DNAJC12: variants seen among roughly 807,000 people sequenced by gnomAD.
DNAJC12 encodes dnaJ homolog subfamily C member 12.
In DNAJC12, 25 loss-of-function variants were observed where a neutral mutation model predicts 28.5. The ratio of observed to expected loss-of-function variants is 0.88; its 90% CI spans 0.64 to 1.22. The LOEUF is 1.22. DNAJC12 is among the 50% of genes most tolerant of loss of function. The pLI is 0.00. For missense variants in DNAJC12, 222 were observed against 231.7 expected, an observed-to-expected ratio of 0.96 and a Z score of 0.27; for synonymous variants, 77 against 80.6, an observed-to-expected ratio of 0.95 and a Z score of 0.24.
chr10:67,830,867 C>A (rs1225557930), intron 1 of DNAJC12, among the ~76,000 whole-genome samples: 1 of 151,994 alleles, frequency 6.6e-6, no homozygotes, highest in African/African-American at 2.4e-5. Context: ...AGTCTGACTC[C>A]AAATACATAC....
intron 4 of DNAJC12, among the ~76,000 whole-genome samples, chr10:67,803,237 A>T (rs890843274): frequency 3.9e-5 from 6 of 152,312 alleles, no homozygotes; most frequent in Middle Eastern, 3.4e-3. Context: ...CAGAGGGGTT[A>T]ACTAGCTTGT....
chr10:67,822,590 G>T (rs1288785799), intron 2 of DNAJC12, among the ~76,000 whole-genome samples: 1 of 152,138 alleles, frequency 6.6e-6, no homozygotes. Context: ...TTTTTCCCAA[G>T]CTTGGATAGG....
At chr10:67,811,199 A>C in intron 3 of DNAJC12, 1 of 783,126 alleles carries the variant, frequency 1.3e-6, no homozygotes, top group Non-Finnish European at 1.6e-6. Flanking sequence ...AATGGTTAAA[A>C]CTCAGCAATT....
rs147675169 is a variant in DNAJC12, at chr10:67,824,012, C to T, written c.79-620G>A. ...TTGCACTTTGGGAGGCTGAGGTGGG[C>T]AGATCACAAGGTTAGGAGTTCGAGG... On this transcript the variant is annotated intron_variant, in intron 1 of 4. Transcript: ENST00000225171. Among the ~76,000 whole-genome samples the T allele has an allele frequency of 8.4e-3, 1,273 of 151,996 alleles. 14 individuals carry two copies. The highest frequency in any genetic ancestry group is 0.029 in the African/African-American group (1,204 of 41,466).
At chr10:67,825,851 GT>G (rs1842024472) in intron 1 of DNAJC12, among the ~76,000 whole-genome samples, 1 of 152,140 alleles carries the variant, frequency 6.6e-6, no homozygotes, top group Non-Finnish European at 1.5e-5. Context: ...AATTAACTAT[GT>G]GTTTCCTCTT....
chr10:67,821,996 A>G (rs1211935522), intron 2 of DNAJC12, among the ~76,000 whole-genome samples: 2 of 152,212 alleles, frequency 1.3e-5, no homozygotes, highest in African/African-American at 4.8e-5. Flanking sequence ...AATTTTTGAC[A>G]GGGTGACTTT....
intron 1 of DNAJC12, among the ~76,000 whole-genome samples, chr10:67,827,988 A>T (rs936640718): frequency 6.6e-6 from 1 of 152,150 alleles, no homozygotes; most frequent in Non-Finnish European, 1.5e-5. Flanking sequence ...CCATGTGACC[A>T]CTGCCAAGTG....
At chr10:67,806,862 G>C (rs563447522) in intron 3 of DNAJC12, among the ~76,000 whole-genome samples, 1 of 150,842 alleles carries the variant, frequency 6.6e-6, no homozygotes, top group Non-Finnish European at 1.5e-5. Context: ...GGAAGGAAAG[G>C]CACCAAAATA....
intron 2 of DNAJC12, among the ~76,000 whole-genome samples, chr10:67,821,820 T>C (rs1205396433): frequency 6.6e-6 from 1 of 151,984 alleles, no homozygotes; most frequent in African/African-American, 2.4e-5. Flanking sequence ...ATGAGAAAGG[T>C]AAATCAACAG....
intron 1 of DNAJC12, among the ~76,000 whole-genome samples, chr10:67,825,864 C>T (rs1327175886): frequency 2.0e-5 from 3 of 152,152 alleles, no homozygotes; most frequent in Non-Finnish European, 4.4e-5. Context: ...TTTCCTCTTC[C>T]TGGGTGCTGT....
chr10:67,812,461 T>C (rs1040286696), intron 2 of DNAJC12, among the ~76,000 whole-genome samples: 1 of 152,212 alleles, frequency 6.6e-6, no homozygotes, highest in Non-Finnish European at 1.5e-5. Flanking sequence ...TGGTATATAA[T>C]AGAAACCTTT....
chr10:67,809,069 G>A (rs1841833343), intron 3 of DNAJC12, among the ~76,000 whole-genome samples: 1 of 152,174 alleles, frequency 6.6e-6, no homozygotes, highest in African/African-American at 2.4e-5. Context: ...CAATCAATTT[G>A]TCAAATGATC....
chr10:67,813,531 C>T (rs185817559), intron 2 of DNAJC12, among the ~76,000 whole-genome samples: 2,300 of 151,122 alleles, frequency 0.015, 58 homozygotes, highest in African/African-American at 0.053. Flanking sequence ...GGGCGGATCA[C>T]GAGGTCAGGA....
intron 1 of DNAJC12, among the ~76,000 whole-genome samples, chr10:67,832,815 A>T (rs1272939606): frequency 6.6e-6 from 1 of 152,142 alleles, no homozygotes; most frequent in Non-Finnish European, 1.5e-5. Context: ...TAATAACCCT[A>T]CCTTGGAAAA....
intron 3 of DNAJC12, among the ~76,000 whole-genome samples, chr10:67,808,078 C>T (rs1218242947): frequency 1.3e-5 from 2 of 152,210 alleles, no homozygotes; most frequent in Non-Finnish European, 2.9e-5. Context: ...CTGCAAATCA[C>T]TCATTTCTGT....
chr10:67,828,841 C>T (rs1842063166), intron 1 of DNAJC12, among the ~76,000 whole-genome samples: 1 of 152,012 alleles, frequency 6.6e-6, no homozygotes, highest in Non-Finnish European at 1.5e-5. Context: ...AAACAAAAAC[C>T]TATGATAGAG....
intron 1 of DNAJC12, among the ~76,000 whole-genome samples, chr10:67,826,792 G>T (rs189963028): frequency 5.3e-4 from 32 of 60,602 alleles, no homozygotes; most frequent in South Asian, 8.6e-4. Context: ...TATATCATTA[G>T]ATATCAGATA....
chr10:67,799,656 G>C (rs149159907), intron 4 of DNAJC12, among the ~76,000 whole-genome samples: 4 of 151,932 alleles, frequency 2.6e-5, no homozygotes, highest in African/African-American at 9.7e-5. Flanking sequence ...AGGCCGAGGC[G>C]GGCAGATCAC....
intron 1 of DNAJC12, chr10:67,833,877 A>G: frequency 2.1e-6 from 1 of 483,874 alleles, no homozygotes; most frequent in Non-Finnish European, 4.3e-6. Context: ...AGTTTTTCAA[A>G]GTCTATCAAA....
Sources: gnomAD v4.1 joint callset for allele counts (sites outside exome capture counted in the v4.1 genomes callset) on GRCh38, gnomAD v4.1.1 for gene constraint, MANE v1.5 for transcripts, NCBI Gene and HGNC (gene_info 2026-07-23, HGNC 2026-07-21) for gene names.